PRKD3: variants seen among roughly 807,000 people sequenced by gnomAD.
The protein encoded by PRKD3 is protein kinase D3.
PRKD3 carries 47 observed loss-of-function variants against 99.2 expected under a neutral mutation model. The observed-to-expected ratio is 0.47, with a 90% CI of 0.38 to 0.60. PRKD3 has a LOEUF of 0.60. Ranked by LOEUF, PRKD3 falls within the 20% of genes least tolerant of loss-of-function variation. The probability of loss-of-function intolerance (pLI) is 0.00; values close to 1 mark genes in which losing one functional copy is unlikely to be tolerated. For missense variants in PRKD3, 1,019 were observed against 1,088.4 expected (o/e 0.94, Z 0.90); for synonymous variants, 392 against 355.4 (o/e 1.10, Z -1.16).
chr2:37,309,721 G>A (rs971938039), intron 2 of PRKD3, among the ~76,000 whole-genome samples: 4 of 151,882 alleles, frequency 2.6e-5, no homozygotes. Flanking sequence ...GGTGGTGCGT[G>A]CCTATAATCC....
At chr2:37,313,985 A>G (rs1213365584) in intron 2 of PRKD3, among the ~76,000 whole-genome samples, 1 of 152,222 alleles carries the variant, frequency 6.6e-6, no homozygotes, top group Non-Finnish European at 1.5e-5. Flanking sequence ...CAAAGGCTGT[A>G]AAAGTCCCAA....
Position 37,267,519 on chromosome 2 carries a change from C to G in PRKD3, c.1795G>C (p.Gly599Arg). The G allele has an allele frequency of 1.2e-6, 2 of 1,608,688 alleles. No individual in the cohort carries two copies. The highest frequency in any genetic ancestry group is 1.3e-5 in the African/African-American group (1 of 74,830). Residue 599 changes from glycine to arginine, a missense_variant, in exon 14 of 19, where the codon GGG becomes CGG. By Grantham distance (125) the Gly-to-Arg change is moderately radical. Transcript: ENST00000234179. ...ATTACTTTAATAGCCACATCCCTCC[C>G]AGTCTTTCTATGTTTTCCTATTAAG... Reference protein sequence around the residue: ...IVYGGKHRKTGRDVAIKVIDK... With the variant: ...IVYGGKHRKTRRDVAIKVIDK...
At chr2:37,279,693 A>G in intron 8 of PRKD3, 53 bp downstream of exon 8, 1 of 1,469,080 alleles carries the variant, frequency 6.8e-7, no homozygotes, top group Non-Finnish European at 9.2e-7. Flanking sequence ...TCTTAATGAG[A>G]TCCTGAACTG....
chr2:37,278,058 T>G (rs893733649), intron 8 of PRKD3, 69 bp from the exon 9 acceptor site: 2 of 1,349,170 alleles, frequency 1.5e-6, no homozygotes, highest in African/African-American at 3.0e-5. Context: ...TGTAGGAACA[T>G]GAAGCCTTTT....
rs1667465147 is a variant in PRKD3 at position 37,251,245 on chromosome 2, T to C, written c.*1932A>G. 1 of 152,548 alleles carries C rather than the reference T, an allele frequency of 6.6e-6. No individual in the cohort carries two copies. The highest frequency in any genetic ancestry group is 2.4e-5 in the African/African-American group (1 of 41,430). The allele number at this position is 152,548 out of a possible 1,614,324, so 9.4% of individuals were successfully genotyped here. ...AATTTGATTTAATCTTTGAAGCTTC[T>C]ATAGAAGGACAAATTACCAAGAGGG... is the stretch of plus-strand genomic sequence containing the variant. On this transcript the variant is annotated 3_prime_UTR_variant, in exon 19 of 19. Coordinates refer to ENST00000234179, the MANE Select transcript of PRKD3 (RefSeq NM_005813.6).
chr2:37,272,762 A>G (rs1008888495), intron 11 of PRKD3, among the ~76,000 whole-genome samples: 13 of 152,182 alleles, frequency 8.5e-5, no homozygotes, highest in Admixed American at 8.5e-4. Context: ...CTGAGGCAGG[A>G]GGATCACTTG....
chr2:37,289,067 T>C (rs1436741097), intron 5 of PRKD3, among the ~76,000 whole-genome samples: 1 of 120,660 alleles, frequency 8.3e-6, no homozygotes, highest in Non-Finnish European at 1.7e-5. Flanking sequence ...AAAACAAAAA[T>C]TAAAAAAAAA....
chr2:37,274,843 T>C (rs546291687), intron 10 of PRKD3, 146 bp from the exon 11 acceptor site: 30 of 799,866 alleles, frequency 3.8e-5, no homozygotes, highest in African/African-American at 1.7e-4. Context: ...TTGAGTCTTA[T>C]GACATGGCCT....
Position 37,317,176 on chromosome 2 carries a change from T to C in PRKD3, c.-652A>G, listed in dbSNP as rs28655786. ...AAGCTGATGCTTTCTGACATATAGT[T>C]AGCCTGGAAGGAAATTTTTTAAAGG... On this transcript the variant is annotated 5_prime_UTR_variant, in exon 2 of 19. Coordinates refer to ENST00000234179, the MANE Select transcript of PRKD3 (RefSeq NM_005813.6). The C allele has an allele frequency of 0.08, 78,406 of 978,884 alleles. 3,278 individuals are homozygous for C. The highest frequency in any genetic ancestry group is 0.083 in the Non-Finnish European group (68,533 of 823,976). The allele number at this position is 978,884 out of a possible 1,614,324, so 60.6% of individuals were successfully genotyped here. A position where few individuals can be genotyped will look rare whatever the true frequency, so the allele number is the denominator to read the frequency against.
At chr2:37,299,530 AC>A (rs1670822305) in intron 2 of PRKD3, among the ~76,000 whole-genome samples, 1 of 148,332 alleles carries the variant, frequency 6.7e-6, no homozygotes, top group Admixed American at 6.8e-5. Flanking sequence ...ACACACACAC[AC>A]ACACACACAC....
At chr2:37,300,867 C>T (rs1045040345) in intron 2 of PRKD3, among the ~76,000 whole-genome samples, 3 of 152,298 alleles carry the variant, frequency 2.0e-5, no homozygotes, top group African/African-American at 7.2e-5. Context: ...TTTGTAGATA[C>T]TGCCAAATTG....
chr2:37,253,871 T>A (rs2287092), intron 18 of PRKD3, among the ~76,000 whole-genome samples: 21,664 of 152,170 alleles, frequency 0.14, 1,897 homozygotes, highest in East Asian at 0.34. Flanking sequence ...CAAACATTTT[T>A]AAAAAATCTC....
Position 37,316,395 on chromosome 2 carries a change from T to C in PRKD3, c.130A>G (p.Ser44Gly), listed in dbSNP as rs1485271968. The change falls in exon 2 of 19, where the codon AGC (serine) becomes GGC (glycine). Residue 44 changes from serine (S) to glycine (G), a missense_variant. Around this residue, in one of 3 missense-constraint regions of PRKD3, gnomAD observed 710 missense variants for 692.7 expected, o/e 1.02. Transcript: ENST00000234179. Reference protein sequence around the residue: ...TGLSARLSNGSFSAPSLTNSR... With the variant: ...TGLSARLSNGGFSAPSLTNSR... ...TTGGTGAGTGATGGTGCACTGAAGCTTCCATTAGAGAGTCGGGCAGAGAGT... is the reference window on the plus strand; with the variant it reads ...TTGGTGAGTGATGGTGCACTGAAGCCTCCATTAGAGAGTCGGGCAGAGAGT... 1.9e-6 allele frequency: 3 copies of C among 1,614,196 alleles called. No homozygotes were observed. Among genetic ancestry groups the C allele is most frequent in the Non-Finnish European group, 1.7e-6 (2 of 1,180,034 alleles).
chr2:37,277,764 T>C (rs1053411979), intron 9 of PRKD3, 102 bp downstream of exon 9: 2 of 1,257,256 alleles, frequency 1.6e-6, no homozygotes, highest in Non-Finnish European at 2.2e-6. Flanking sequence ...GTGTATATAA[T>C]GTCTTAATAT....
intron 13 of PRKD3, chr2:37,268,123 T>A (rs950969972): frequency 1.4e-5 from 5 of 346,418 alleles, no homozygotes; most frequent in Non-Finnish European, 2.3e-5. Context: ...TGCTACAGAT[T>A]AAGCAGTGAA....
rs943265205 is a variant in PRKD3, at chr2:37,309,447, GCTTA to G, written c.288+6786_288+6789del. ...AGGGTACAGAAATACAGAGAAGCATGCTTACTTACTCACTGCTCAACAATGGTAA... is the reference window on the plus strand; with the variant it reads ...AGGGTACAGAAATACAGAGAAGCATGCTTACTCACTGCTCAACAATGGTAA... On this transcript the variant is annotated intron_variant, in intron 2 of 18. Transcript: ENST00000234179. 3.9e-5 allele frequency among the ~76,000 whole-genome samples: 6 copies of G among 152,146 alleles called. No individual in the cohort carries two copies. In the South Asian group the frequency reaches 6.2e-4, roughly 16 times the overall value.
rs1167279278 is a variant in PRKD3 at position 37,267,530 on chromosome 2, T to A, written c.1784A>T (p.His595Leu). 6.2e-7 allele frequency: 1 copy of A among 1,601,514 alleles called. No homozygotes were observed. The highest frequency in any genetic ancestry group is 1.1e-5 in the South Asian group (1 of 89,350). Residue 595 changes from histidine (H) to leucine (L), a missense_variant, in exon 14 of 19, where the codon CAT becomes CTT. Around this residue, in one of 3 missense-constraint regions of PRKD3, gnomAD observed 184 missense variants for 275.1 expected, o/e 0.67. Coordinates refer to ENST00000234179, the MANE Select transcript of PRKD3 (RefSeq NM_005813.6). Reference protein sequence around the residue: ...GQFGIVYGGKHRKTGRDVAIK... With the variant: ...GQFGIVYGGKLRKTGRDVAIK... ...AGCCACATCCCTCCCAGTCTTTCTA[T>A]GTTTTCCTATTAAGAAAAAAAGAAG...
chr2:37,267,645 C>G, intron 13 of PRKD3, 109 bp from the exon 14 acceptor site: 1 of 856,762 alleles, frequency 1.2e-6, no homozygotes, highest in Middle Eastern at 2.9e-4. Flanking sequence ...TTCTTTTTGG[C>G]TCATTTTTGT....
rs748959069 is a variant in PRKD3, at chr2:37,286,372, A to AT, written c.718-4dup. The AT allele has an allele frequency of 5.8e-5, 93 of 1,611,992 alleles. No individual in the cohort carries two copies. Among genetic ancestry groups the AT allele is most frequent in the Non-Finnish European group, 7.3e-5 (86 of 1,178,344 alleles). The stretch of plus-strand genomic sequence containing the variant: ...CTTGGTTCCTGGTGGACATGTGACT[A>AT]TAACATAAGTAATTTTCATAAGTGT... On this transcript the variant is annotated splice_polypyrimidine_tract_variant and splice_region_variant and intron_variant, in intron 5 of 18. Transcript: ENST00000234179.
Sources: gnomAD v4.1 joint callset for allele counts (sites outside exome capture counted in the v4.1 genomes callset) on GRCh38, gnomAD v4.1.1 for gene constraint, gnomAD v4.1.1 regional missense constraint, MANE v1.5 for transcripts, NCBI Gene and HGNC (gene_info 2026-07-23, HGNC 2026-07-21) for gene names.